The following UFSP2 variants were observed in gnomAD, a reference collection of about 807,000 sequenced individuals.
The protein encoded by UFSP2 is ufm1-specific protease 2.
A neutral mutation model predicts 60.2 loss-of-function variants in UFSP2; 43 were observed. That is an observed-to-expected ratio of 0.71 (90% CI 0.56 to 0.92). The LOEUF is 0.92. Ranked by LOEUF, UFSP2 falls within the 40% of genes least tolerant of loss-of-function variation. The probability of loss-of-function intolerance (pLI) is 0.00; values close to 1 mark genes in which losing one functional copy is unlikely to be tolerated. For missense variants in UFSP2, 520 were observed against 575.0 expected, an observed-to-expected ratio of 0.90 and a Z score of 0.98; for synonymous variants, 183 against 195.1, an observed-to-expected ratio of 0.94 and a Z score of 0.52.
At chr4:185,417,933 A>G (rs1444140763) in intron 4 of UFSP2, among the ~76,000 whole-genome samples, 4 of 151,852 alleles carry the variant, frequency 2.6e-5, no homozygotes, top group Admixed American at 2.6e-4. Context: ...AATCCCAGCT[A>G]CTCAGGAGGC....
In UFSP2 at chr4:185,408,427, C is replaced by T. The variant is rs915755017; in HGVS notation, c.840G>A (p.Val280=). The T allele has an allele frequency of 2.5e-6, 4 of 1,613,716 alleles. No homozygotes were observed. The highest frequency in any genetic ancestry group is 3.4e-6 in the Non-Finnish European group (4 of 1,179,852). ...GATGATAGCCATATATGCCCTGGAC[C>T]ACATAAATCTATATACAGAGAAGAA... The part of the protein sequence containing the change: ...PPNMETGMIY[V]VQGIYGYHHY... Residue 280 remains valine, a synonymous_variant, in exon 8 of 12, where the codon GTG becomes GTA. Coordinates refer to ENST00000264689, the MANE Select transcript of UFSP2 (RefSeq NM_018359.5).
chr4:185,404,956 A>G (rs910593912), intron 10 of UFSP2, among the ~76,000 whole-genome samples: 3 of 151,136 alleles, frequency 2.0e-5, no homozygotes, highest in African/African-American at 7.3e-5. Context: ...CGGCCTACTC[A>G]TTAAGTTCTT....
intron 7 of UFSP2, among the ~76,000 whole-genome samples, chr4:185,412,084 A>AT (rs2095530388): frequency 6.6e-6 from 1 of 151,734 alleles, no homozygotes; most frequent in African/African-American, 2.4e-5. Flanking sequence ...TGCTTCTTAA[A>AT]TTAGGGAGGA....
rs1229616700 is a variant in UFSP2, at chr4:185,400,491, G to A, written c.1324-13C>T. The A allele has an allele frequency of 6.3e-7, 1 of 1,597,140 alleles. No homozygotes were observed. The highest frequency in any genetic ancestry group is 8.6e-7 in the Non-Finnish European group (1 of 1,169,280). ...ATCCGCACCAGCCCTGGATAGAGAA[G>A]ACGGGAAAGGAAAGCCTTTTACAAA... On this transcript the variant is annotated splice_polypyrimidine_tract_variant and intron_variant, in intron 11 of 11. Transcript: ENST00000264689.
chr4:185,403,090 AAG>A (rs1157523577), intron 11 of UFSP2, among the ~76,000 whole-genome samples: 1 of 152,210 alleles, frequency 6.6e-6, no homozygotes, highest in Non-Finnish European at 1.5e-5. Context: ...AAAATTAGTC[AAG>A]CCTCCATAAT....
At chr4:185,423,807 C>T (rs2153296507) in intron 1 of UFSP2, among the ~76,000 whole-genome samples, 1 of 151,904 alleles carries the variant, frequency 6.6e-6, no homozygotes, top group East Asian at 1.9e-4. Flanking sequence ...TATATACATA[C>T]ATATATACAC....
chr4:185,400,170 G>A lies in UFSP2; in HGVS notation c.*222C>T. On this transcript the variant is annotated 3_prime_UTR_variant, in exon 12 of 12. Coordinates refer to ENST00000264689, the MANE Select transcript of UFSP2 (RefSeq NM_018359.5). Reference sequence around the variant, plus strand: ...AGTGAAGATCCATTTAAGAACACATGTATTTACATGCCTATAATATGCTGG... The same window carrying A: ...AGTGAAGATCCATTTAAGAACACATATATTTACATGCCTATAATATGCTGG... The A allele has an allele frequency of 1.3e-6, 1 of 754,000 alleles. No homozygotes were observed. The allele number at this position is 754,000 out of a possible 1,614,324, so 46.7% of individuals were successfully genotyped here.
chr4:185,408,575 TGG>T, intron 7 of UFSP2, 140 bp from the exon 8 acceptor site: 1 of 874,884 alleles, frequency 1.1e-6, no homozygotes, highest in Non-Finnish European at 1.7e-6. Context: ...CACAGATCTA[TGG>T]TTTAACATTA....
intron 2 of UFSP2, among the ~76,000 whole-genome samples, chr4:185,421,563 C>G (rs1026128718): frequency 6.6e-6 from 1 of 152,144 alleles, no homozygotes; most frequent in Non-Finnish European, 1.5e-5. Context: ...TACACTGCCC[C>G]CTCCTTTGCC....
intron 3 of UFSP2, 27 bp downstream of exon 3, chr4:185,418,560 T>C: frequency 6.2e-7 from 1 of 1,611,166 alleles, no homozygotes; most frequent in Non-Finnish European, 8.5e-7. Context: ...TTTGAAAACA[T>C]TTCTAGAAAT....
chr4:185,413,890 C>G lies in UFSP2; in HGVS notation c.685-18G>C. 1 of 1,565,458 alleles carries G rather than the reference C, an allele frequency of 6.4e-7. No homozygotes were observed. The highest frequency in any genetic ancestry group is 8.6e-7 in the Non-Finnish European group (1 of 1,160,740). On this transcript the variant is annotated intron_variant, in intron 6 of 11. Coordinates refer to ENST00000264689, the MANE Select transcript of UFSP2 (RefSeq NM_018359.5). ...TGTAACTCCTAAAATAAATCAGAAT[C>G]AACAGAAAAAGAAAAAATGTTGGTG...
intron 11 of UFSP2, among the ~76,000 whole-genome samples, chr4:185,401,070 T>C (rs2095512633): frequency 6.6e-6 from 1 of 152,356 alleles, no homozygotes; most frequent in African/African-American, 2.4e-5. Flanking sequence ...CTAGGGCCAC[T>C]GAGTTATTTT....
intron 7 of UFSP2, among the ~76,000 whole-genome samples, chr4:185,411,992 C>T (rs774208781): frequency 6.6e-6 from 1 of 152,126 alleles, no homozygotes; most frequent in African/African-American, 2.4e-5. Context: ...ATGATGAACA[C>T]AAAACCCATA....
rs1196110695 is a variant in UFSP2, at chr4:185,400,351, T to C, written c.*41A>G. ...TTAAACTGATTCTTTATTCACAAATTTATAATACCACTCTACTGCAGTCTT... is the reference window on the plus strand; with the variant it reads ...TTAAACTGATTCTTTATTCACAAATCTATAATACCACTCTACTGCAGTCTT... On this transcript the variant is annotated 3_prime_UTR_variant, in exon 12 of 12. Transcript: ENST00000264689. 2.1e-6 allele frequency: 3 copies of C among 1,443,498 alleles called. No individual in the cohort carries two copies. In the African/African-American group the frequency reaches 4.3e-5, roughly 21 times the overall value. 89.4% of individuals were successfully genotyped at this position (1,443,498 alleles called of 1,614,324 possible). A position where few individuals can be genotyped will look rare whatever the true frequency, so the allele number is the denominator to read the frequency against.
chr4:185,411,802 T>C (rs2095529853), intron 7 of UFSP2, among the ~76,000 whole-genome samples: 1 of 152,122 alleles, frequency 6.6e-6, no homozygotes, highest in Non-Finnish European at 1.5e-5. Flanking sequence ...TAATTAACTA[T>C]GGTTAGACAA....
intron 10 of UFSP2, among the ~76,000 whole-genome samples, chr4:185,404,930 C>T (rs141569348): frequency 5.7e-4 from 86 of 151,810 alleles, no homozygotes; most frequent in African/African-American, 2.0e-3. Flanking sequence ...AGGAGTCAGG[C>T]GTGAGCTACT....
rs538007396 is a variant in UFSP2 at position 185,410,302 on chromosome 4, A to G, written c.832-1867T>C. Among the ~76,000 whole-genome samples, 5 of 152,336 alleles carry G rather than the reference A, an allele frequency of 3.3e-5. No homozygotes were observed. In the East Asian group the frequency reaches 5.8e-4, roughly 18 times the overall value. On this transcript the variant is annotated intron_variant, in intron 7 of 11. Transcript: ENST00000264689. ...AACTAAAATCCTTCAAATTAAACCT[A>G]TAAGATACACTAAAAGCAGTGCTTT... is the stretch of plus-strand genomic sequence containing the variant.
chr4:185,415,792 C>T lies in UFSP2; in HGVS notation c.409G>A (p.Glu137Lys), dbSNP rs1324286854. 1.9e-6 allele frequency: 3 copies of T among 1,613,658 alleles called. No individual in the cohort carries two copies. Among genetic ancestry groups the T allele is most frequent in the South Asian group, 2.2e-5 (2 of 91,062 alleles). The change falls in exon 5 of 12, where the codon GAA becomes AAA. Residue 137 changes from glutamate (E) to lysine (K), a missense_variant. Coordinates refer to ENST00000264689, the MANE Select transcript of UFSP2 (RefSeq NM_018359.5). The stretch of plus-strand genomic sequence containing the variant: ...TTAACATAATGGTGTCCTCCGCTTT[C>T]CCTTTCAATGATGGGCGTTACAGCT... ...LAAVTPIIER[E>K]SGGHHYVNMT...
chr4:185,411,682 G>T (rs2095529658), intron 7 of UFSP2, among the ~76,000 whole-genome samples: 1 of 152,100 alleles, frequency 6.6e-6, no homozygotes. Context: ...AAAAGAGGGA[G>T]AAATGAAGCA....
Sources: gnomAD v4.1 joint callset for allele counts (sites outside exome capture counted in the v4.1 genomes callset) on GRCh38, gnomAD v4.1.1 for gene constraint, MANE v1.5 for transcripts, NCBI Gene and HGNC (gene_info 2026-07-23, HGNC 2026-07-21) for gene names.